The following MACROD2 variants were observed in gnomAD, a reference collection of about 807,000 sequenced individuals.
The protein encoded by MACROD2 is ADP-ribose glycohydrolase MACROD2.
In MACROD2, 36 loss-of-function variants were observed where a neutral mutation model predicts 70.4. That is an observed-to-expected ratio of 0.51 (90% confidence interval 0.39 to 0.68). MACROD2 has a LOEUF of 0.68. Ranked by LOEUF, MACROD2 falls within the 30% of genes least tolerant of loss-of-function variation. MACROD2 has a pLI of 0.00. For synonymous variants in MACROD2, 172 were observed against 178.8 expected, an observed-to-expected ratio of 0.96 and a Z score of 0.30; for missense variants, 496 against 538.4, an observed-to-expected ratio of 0.92 and a Z score of 0.78.
intron 5 of MACROD2, among the ~76,000 whole-genome samples, chr20:15,223,929 C>T (rs1324810231): frequency 1.3e-5 from 2 of 152,142 alleles, no homozygotes; most frequent in East Asian, 3.9e-4. Flanking sequence ...GGCAACATGG[C>T]GTCCACCTGC....
chr20:14,181,552 T>A (rs1255812975), intron 3 of MACROD2, among the ~76,000 whole-genome samples: 1 of 152,130 alleles, frequency 6.6e-6, no homozygotes, highest in African/African-American at 2.4e-5. Flanking sequence ...TATTTATAAA[T>A]TTGTGAAGCC....
At chr20:14,683,683 G>C (rs1384884228) in intron 4 of MACROD2, among the ~76,000 whole-genome samples, 1 of 152,086 alleles carries the variant, frequency 6.6e-6, no homozygotes, top group Non-Finnish European at 1.5e-5. Flanking sequence ...AGTGCCAATA[G>C]CCTGTCCCAT....
intron 6 of MACROD2, among the ~76,000 whole-genome samples, chr20:15,328,158 ATAGT>A (rs2077952749): frequency 6.6e-6 from 1 of 151,926 alleles, no homozygotes. Context: ...TAGGAAGGTA[ATAGT>A]TAGATAAATT....
intron 5 of MACROD2, among the ~76,000 whole-genome samples, chr20:15,008,626 G>A (rs972079998): frequency 6.6e-6 from 1 of 152,128 alleles, no homozygotes; most frequent in Non-Finnish European, 1.5e-5. Flanking sequence ...AGTATGAAAG[G>A]CTCTTTGGCG....
At chr20:14,645,557 A>G (rs6042836) in intron 4 of MACROD2, among the ~76,000 whole-genome samples, 1 of 152,016 alleles carries the variant, frequency 6.6e-6, no homozygotes, top group African/African-American at 2.4e-5. Flanking sequence ...TTTTACTCAA[A>G]TAGATCTGTA....
In MACROD2 at chr20:14,836,157, C is replaced by G. The variant is rs771472609; in HGVS notation, c.418+151198C>G. 2.2e-3 allele frequency among the ~76,000 whole-genome samples: 342 copies of G among 152,028 alleles called. 4 individuals are homozygous for G. Among genetic ancestry groups the G allele is most frequent in the Non-Finnish European group, 2.9e-3 (194 of 67,948 alleles). On this transcript the variant is annotated intron_variant, in intron 5 of 17. Transcript: ENST00000684519. Reference sequence around the variant, plus strand: ...ACACACAAAAAGTGAGGGGTCCGTACTCAAAAAAAATTTTGGAAAAGAGTG... The same window carrying G: ...ACACACAAAAAGTGAGGGGTCCGTAGTCAAAAAAAATTTTGGAAAAGAGTG...
chr20:14,077,722 T>C (rs1166180843), intron 2 of MACROD2, among the ~76,000 whole-genome samples: 1 of 152,176 alleles, frequency 6.6e-6, no homozygotes, highest in Admixed American at 6.5e-5. Flanking sequence ...GAATTCTTTA[T>C]GTTTTCAAGC....
intron 5 of MACROD2, among the ~76,000 whole-genome samples, chr20:15,165,691 A>C (rs1424385960): frequency 6.6e-6 from 1 of 152,218 alleles, no homozygotes; most frequent in Non-Finnish European, 1.5e-5. Context: ...ATTTCATAAA[A>C]TCATTCCAAA....
intron 4 of MACROD2, among the ~76,000 whole-genome samples, chr20:14,522,833 T>C (rs2085184584): frequency 6.6e-6 from 1 of 152,124 alleles, no homozygotes; most frequent in South Asian, 2.1e-4. Context: ...CTCTAGAATA[T>C]AAATAAGGTC....
chr20:15,364,742 A>T (rs1290355741), intron 6 of MACROD2, among the ~76,000 whole-genome samples: 1 of 152,236 alleles, frequency 6.6e-6, no homozygotes, highest in Non-Finnish European at 1.5e-5. Flanking sequence ...TAGAGCCAGC[A>T]CATAGTAGGC....
rs139932212 is a variant in MACROD2, at chr20:15,856,393, T to C, written c.646-6352T>C. Among the ~76,000 whole-genome samples the C allele has an allele frequency of 2.9e-3, 446 of 152,332 alleles. 20 individuals carry two copies. In the South Asian group the frequency reaches 0.075, roughly 25 times the overall value. On this transcript the variant is annotated intron_variant, in intron 8 of 17. Transcript: ENST00000684519. ...ACAATAATGCCTCATGCCCTTTATA[T>C]AGTGCTTTTGTTTTTCTTTTTTATA...
intron 5 of MACROD2, among the ~76,000 whole-genome samples, chr20:15,137,232 T>C (rs1334229278): frequency 6.6e-6 from 1 of 151,580 alleles, no homozygotes; most frequent in Non-Finnish European, 1.5e-5. Flanking sequence ...GGACTGTAAA[T>C]CATGCTGCTA....
intron 5 of MACROD2, among the ~76,000 whole-genome samples, chr20:14,772,174 C>T (rs879780702): frequency 6.6e-6 from 1 of 151,986 alleles, no homozygotes; most frequent in Admixed American, 6.6e-5. Flanking sequence ...TACTTTTCCC[C>T]CTCTACCATT....
chr20:14,728,039 A>G (rs1218297751), intron 5 of MACROD2, among the ~76,000 whole-genome samples: 2 of 152,192 alleles, frequency 1.3e-5, no homozygotes, highest in Non-Finnish European at 2.9e-5. Context: ...CTAGAGCCAC[A>G]GAGAAAAATT....
chr20:14,947,086 A>C (rs988150307), intron 5 of MACROD2, among the ~76,000 whole-genome samples: 1 of 152,144 alleles, frequency 6.6e-6, no homozygotes, highest in Non-Finnish European at 1.5e-5. Context: ...TATCTCCCAA[A>C]TATCCCTTTG....
intron 6 of MACROD2, among the ~76,000 whole-genome samples, chr20:15,312,775 A>C (rs1242433075): frequency 6.6e-6 from 1 of 152,214 alleles, no homozygotes; most frequent in Non-Finnish European, 1.5e-5. Context: ...TTCATGGTAT[A>C]TATACATCTA....
chr20:15,559,702 A>G (rs917873479), intron 8 of MACROD2, among the ~76,000 whole-genome samples: 1 of 152,192 alleles, frequency 6.6e-6, no homozygotes, highest in Middle Eastern at 3.2e-3. Flanking sequence ...ATCACTGCGC[A>G]TGTACAGTCA....
chr20:16,013,098 T>C (rs2066884754), intron 15 of MACROD2, among the ~76,000 whole-genome samples: 1 of 152,130 alleles, frequency 6.6e-6, no homozygotes, highest in South Asian at 2.1e-4. Context: ...GAGAATCACT[T>C]GAACCCAGGA....
chr20:14,259,139 C>T (rs908315991), intron 3 of MACROD2, among the ~76,000 whole-genome samples: 2 of 152,112 alleles, frequency 1.3e-5, no homozygotes, highest in Non-Finnish European at 2.9e-5. Flanking sequence ...GACGGTGTTT[C>T]ACCATGTTGG....
Sources: allele counts gnomAD v4.1 joint callset (sites outside exome capture counted in the v4.1 genomes callset), GRCh38; gene constraint gnomAD v4.1.1; transcripts MANE v1.5; gene names NCBI Gene and HGNC (gene_info 2026-07-23, HGNC 2026-07-21).